GPC5: variants seen among roughly 807,000 people sequenced by gnomAD.
GPC5 encodes glypican-5.
GPC5 carries 47 observed loss-of-function variants against 53.9 expected under a neutral mutation model. The observed-to-expected ratio is 0.87, with a 90% CI of 0.69 to 1.11. The LOEUF is 1.11. Among genes scored for constraint, GPC5 ranks in the 50% most tolerant of loss-of-function variants. The pLI is 0.00. For synonymous variants in GPC5, 286 were observed against 263.3 expected (o/e 1.09, Z -0.84); for missense variants, 748 against 713.1 (o/e 1.05, Z -0.56).
intron 7 of GPC5, among the ~76,000 whole-genome samples, chr13:92,846,833 T>C (rs1021157978): frequency 5.9e-5 from 9 of 152,334 alleles, no homozygotes; most frequent in Non-Finnish European, 1.0e-4. Context: ...TGTGGATATT[T>C]TGAAAAGGTA....
At position 92,016,327 on chromosome 13, in the gene GPC5, G is replaced by A. The variant is rs145347777; in HGVS notation, c.1401+108270G>A. On this transcript the variant is annotated intron_variant, in intron 6 of 7. Transcript: ENST00000377067. Reference sequence around the variant, plus strand: ...ATTTATACATTGTTTTATGAAATGGGAATCGTTGTCTTTATTCTGCAGGAA... The same window carrying A: ...ATTTATACATTGTTTTATGAAATGGAAATCGTTGTCTTTATTCTGCAGGAA... Among the ~76,000 whole-genome samples the A allele has an allele frequency of 5.9e-5, 9 of 152,226 alleles. No individual in the cohort carries two copies. The East Asian group carries it at 1.5e-3, about 26-fold the overall frequency.
At chr13:91,454,016 A>G (rs927928903) in intron 2 of GPC5, among the ~76,000 whole-genome samples, 3 of 152,110 alleles carry the variant, frequency 2.0e-5, no homozygotes, top group African/African-American at 7.2e-5. Flanking sequence ...TGTCAGTGGC[A>G]TGCTGAATGG....
chr13:91,988,857 A>G (rs1566380658), intron 6 of GPC5, among the ~76,000 whole-genome samples: 1 of 150,076 alleles, frequency 6.7e-6, no homozygotes, highest in African/African-American at 2.4e-5. Flanking sequence ...CAAAACCTCA[A>G]TTCTGGAGTG....
intron 7 of GPC5, among the ~76,000 whole-genome samples, chr13:92,679,884 C>G (rs916953917): frequency 8.3e-5 from 12 of 143,882 alleles, no homozygotes; most frequent in African/African-American, 3.1e-4. Flanking sequence ...TCTCTCCACC[C>G]CCCCACCCTC....
chr13:91,889,883 C>A (rs2039366436), intron 5 of GPC5, among the ~76,000 whole-genome samples: 1 of 152,048 alleles, frequency 6.6e-6, no homozygotes, highest in East Asian at 1.9e-4. Context: ...ATAAGTGCAT[C>A]CTGGAAAATA....
chr13:92,092,516 G>A (rs184231202), intron 6 of GPC5, among the ~76,000 whole-genome samples: 5 of 152,230 alleles, frequency 3.3e-5, no homozygotes. Context: ...ATAAGTGAAG[G>A]TAATCAAGCA....
chr13:92,572,466 T>C (rs1368598635), intron 7 of GPC5, among the ~76,000 whole-genome samples: 1 of 152,172 alleles, frequency 6.6e-6, no homozygotes, highest in Admixed American at 6.5e-5. Context: ...GGAAGATGGA[T>C]ACCGCTGTGG....
At chr13:92,216,751 G>C (rs987669474) in intron 7 of GPC5, among the ~76,000 whole-genome samples, 1 of 152,030 alleles carries the variant, frequency 6.6e-6, no homozygotes, top group African/African-American at 2.4e-5. Context: ...AGGCCAAGGT[G>C]GGCGGACCAC....
chr13:92,665,473 A>G (rs1886537932), intron 7 of GPC5, among the ~76,000 whole-genome samples: 1 of 152,152 alleles, frequency 6.6e-6, no homozygotes, highest in Admixed American at 6.5e-5. Flanking sequence ...GCAATAGCAT[A>G]TCTATGCCTA....
At chr13:92,668,071 G>A (rs1227545582) in intron 7 of GPC5, among the ~76,000 whole-genome samples, 2 of 152,042 alleles carry the variant, frequency 1.3e-5, no homozygotes, top group African/African-American at 2.4e-5. Flanking sequence ...TTAGGCATTT[G>A]TTCAAATATA....
chr13:91,645,514 G>A (rs2034537070), intron 2 of GPC5, among the ~76,000 whole-genome samples: 1 of 152,138 alleles, frequency 6.6e-6, no homozygotes, highest in Admixed American at 6.5e-5. Flanking sequence ...CTGACAGTAG[G>A]ACCCTCAAGT....
At chr13:92,761,196 T>C (rs1214689044) in intron 7 of GPC5, among the ~76,000 whole-genome samples, 1 of 152,206 alleles carries the variant, frequency 6.6e-6, no homozygotes, top group South Asian at 2.1e-4. Flanking sequence ...CTCACTGTGT[T>C]GCTCAGGCTG....
rs189333334 is a variant in GPC5, at chr13:91,423,593, T to A, written c.163+24384T>A. On this transcript the variant is annotated intron_variant, in intron 1 of 7. Coordinates refer to ENST00000377067, the MANE Select transcript of GPC5 (RefSeq NM_004466.6). ...GTAGAGGGGGGGTGTGGGGTGTGAA[T>A]GTGGAAAGAGAGAATGTTGGTCAAA... is the stretch of plus-strand genomic sequence containing the variant. 6.3e-3 allele frequency among the ~76,000 whole-genome samples: 952 copies of A among 152,094 alleles called. 8 individuals carry two copies. The highest frequency in any genetic ancestry group is 0.021 in the African/African-American group (888 of 41,508).
chr13:92,569,287 C>G (rs1351066967), intron 7 of GPC5, among the ~76,000 whole-genome samples: 1 of 151,848 alleles, frequency 6.6e-6, no homozygotes, highest in Non-Finnish European at 1.5e-5. Context: ...TCACACTGTC[C>G]TCCTGTAGGT....
chr13:91,985,740 CT>C (rs2096459942), intron 6 of GPC5, among the ~76,000 whole-genome samples: 1 of 152,100 alleles, frequency 6.6e-6, no homozygotes, highest in African/African-American at 2.4e-5. Flanking sequence ...TCCCTTCAGC[CT>C]TTTGTGCTAT....
At chr13:92,625,797 A>T (rs1594359799) in intron 7 of GPC5, among the ~76,000 whole-genome samples, 1 of 152,174 alleles carries the variant, frequency 6.6e-6, no homozygotes, top group South Asian at 2.1e-4. Flanking sequence ...TAGGCATAGG[A>T]CACATTATCT....
intron 7 of GPC5, among the ~76,000 whole-genome samples, chr13:92,371,939 A>AG (rs1267828343): frequency 6.6e-6 from 1 of 152,214 alleles, no homozygotes; most frequent in Non-Finnish European, 1.5e-5. Flanking sequence ...TTGAAGATAA[A>AG]GGAAGGAGCT....
chr13:92,371,987 T>C (rs886948607), intron 7 of GPC5, among the ~76,000 whole-genome samples: 1 of 152,174 alleles, frequency 6.6e-6, no homozygotes, highest in Non-Finnish European at 1.5e-5. Context: ...AAGTGGAGAA[T>C]GGCCCCCAGG....
intron 7 of GPC5, among the ~76,000 whole-genome samples, chr13:92,298,151 G>T (rs2043050806): frequency 6.6e-6 from 1 of 152,114 alleles, no homozygotes; most frequent in Admixed American, 6.5e-5. Flanking sequence ...AATCCGAAGG[G>T]CCAGTCTCAC....
Sources: gnomAD v4.1 joint callset for allele counts (sites outside exome capture counted in the v4.1 genomes callset) on GRCh38, gnomAD v4.1.1 for gene constraint, MANE v1.5 for transcripts, NCBI Gene and HGNC (gene_info 2026-07-23, HGNC 2026-07-21) for gene names.